Variants in SPATA13 observed in about 807,000 individuals in gnomAD.
The protein encoded by SPATA13 is spermatogenesis associated 13, also known as spermatogenesis-associated protein 13.
In SPATA13, 50 loss-of-function variants were observed where a neutral mutation model predicts 104.0. That is an observed-to-expected ratio of 0.48 (90% CI 0.38 to 0.61). The LOEUF (loss-of-function observed/expected upper bound fraction) is 0.61. Among genes scored for constraint, SPATA13 ranks in the 20% least tolerant of loss-of-function variants. The probability of loss-of-function intolerance (pLI) is 0.00; values close to 1 mark genes in which losing one functional copy is unlikely to be tolerated. For synonymous variants in SPATA13, 606 were observed against 667.5 expected, an observed-to-expected ratio of 0.91 and a Z score of 1.42; for missense variants, 1,524 against 1,690.6, an observed-to-expected ratio of 0.90 and a Z score of 1.73.
At chr13:24,028,041 G>A (rs1877314706) in intron 3 of SPATA13, among the ~76,000 whole-genome samples, 1 of 152,158 alleles carries the variant, frequency 6.6e-6, no homozygotes, top group South Asian at 2.1e-4. Context: ...AAATTTAGAT[G>A]TTTTTATAAT....
chr13:24,294,223 G>C (rs557510699), intron 9 of SPATA13, among the ~76,000 whole-genome samples: 1 of 152,186 alleles, frequency 6.6e-6, no homozygotes, highest in Non-Finnish European at 1.5e-5. Context: ...TTGGTGAGGC[G>C]AATGCCATAC....
intron 2 of SPATA13, among the ~76,000 whole-genome samples, chr13:24,010,315 A>C (rs1213007587): frequency 6.6e-6 from 1 of 152,230 alleles, no homozygotes; most frequent in Admixed American, 6.5e-5. Flanking sequence ...GAGCAGACAG[A>C]TGACTTTGAG....
chr13:24,114,559 T>C (rs1159932446), intron 3 of SPATA13, among the ~76,000 whole-genome samples: 2 of 151,534 alleles, frequency 1.3e-5, no homozygotes, highest in African/African-American at 4.8e-5. Flanking sequence ...AAGGCTGTCA[T>C]TTTTTTTTGT....
chr13:24,245,193 T>C (rs1388775644), intron 2 of SPATA13, among the ~76,000 whole-genome samples: 1 of 152,090 alleles, frequency 6.6e-6, no homozygotes, highest in Non-Finnish European at 1.5e-5. Flanking sequence ...TGATGGGACA[T>C]GTGTGTCTAC....
At chr13:24,249,253 G>A (rs909891263) in intron 2 of SPATA13, among the ~76,000 whole-genome samples, 16 of 152,202 alleles carry the variant, frequency 1.1e-4, no homozygotes, top group African/African-American at 3.1e-4. Context: ...TGAAATATCA[G>A]CCTAGAATCA....
chr13:24,194,376 AG>A (rs1193608221), intron 1 of SPATA13, among the ~76,000 whole-genome samples: 1 of 152,224 alleles, frequency 6.6e-6, no homozygotes, highest in Non-Finnish European at 1.5e-5. Context: ...AGAGTAGGAC[AG>A]GAAGTGGAGA....
intron 4 of SPATA13, among the ~76,000 whole-genome samples, chr13:24,280,798 C>G (rs537393850): frequency 2.6e-5 from 4 of 152,264 alleles, no homozygotes; most frequent in African/African-American, 9.6e-5. Flanking sequence ...TGTGCTTCCT[C>G]AAGACATCCC....
rs61215087 is a variant in SPATA13 at position 24,290,526 on chromosome 13, C to T, written c.2848-126C>T. ...GTGCCAGCGGATTTCATGCCCTGTC[C>T]TTCTTGCAGTAGTCCATCTTCCTCC... On this transcript the variant is annotated intron_variant, in intron 8 of 12. Coordinates refer to ENST00000382108, the MANE Select transcript of SPATA13 (RefSeq NM_001166271.3). 689 of 739,604 alleles carry T rather than the reference C, an allele frequency of 9.3e-4. 5 individuals are homozygous for T. In the East Asian group the frequency reaches 0.016, roughly 17 times the overall value. 45.8% of individuals were successfully genotyped at this position (739,604 alleles called of 1,614,324 possible). A position where few individuals can be genotyped will look rare whatever the true frequency, so the allele number is the denominator to read the frequency against.
chr13:24,300,370 G>C, intron 11 of SPATA13, 31 bp from the exon 12 acceptor site: 3 of 1,589,498 alleles, frequency 1.9e-6, no homozygotes, highest in Non-Finnish European at 2.6e-6. Flanking sequence ...CACGTGTTCT[G>C]AATATATATC....
chr13:24,096,949 C>G (rs1277850555), intron 3 of SPATA13, among the ~76,000 whole-genome samples: 1 of 152,176 alleles, frequency 6.6e-6, no homozygotes, highest in East Asian at 1.9e-4. Context: ...CTAGATTTTC[C>G]TTTTAAAAGA....
At chr13:24,044,810 C>T (rs950636226) in intron 3 of SPATA13, among the ~76,000 whole-genome samples, 10 of 143,978 alleles carry the variant, frequency 6.9e-5, no homozygotes, top group African/African-American at 2.0e-4. Context: ...ACAAATACTG[C>T]GTGATCCCAC....
chr13:24,007,884 T>C (rs941726737), intron 2 of SPATA13, among the ~76,000 whole-genome samples: 1 of 152,200 alleles, frequency 6.6e-6, no homozygotes, highest in Non-Finnish European at 1.5e-5. Context: ...ATAAACAGTA[T>C]TTATTGTCAT....
chr13:24,172,839 A>G (rs1431476746), intron 1 of SPATA13, among the ~76,000 whole-genome samples: 1 of 152,230 alleles, frequency 6.6e-6, no homozygotes, highest in African/African-American at 2.4e-5. Flanking sequence ...ATGTTAGAAT[A>G]GTCGTCTCTC....
intron 2 of SPATA13, among the ~76,000 whole-genome samples, chr13:24,247,251 A>C (rs538003698): frequency 6.6e-6 from 1 of 152,236 alleles, no homozygotes; most frequent in East Asian, 1.9e-4. Flanking sequence ...AGTTGCTGGA[A>C]CCTGCACGGG....
intron 2 of SPATA13, among the ~76,000 whole-genome samples, chr13:23,995,982 A>C (rs895678102): frequency 6.6e-6 from 1 of 152,224 alleles, no homozygotes; most frequent in East Asian, 1.9e-4. Context: ...ACAACCGAGC[A>C]GATAGATATG....
At chr13:24,267,308 A>G (rs1380256017) in intron 4 of SPATA13, among the ~76,000 whole-genome samples, 1 of 152,202 alleles carries the variant, frequency 6.6e-6, no homozygotes, top group Non-Finnish European at 1.5e-5. Context: ...TTGTTGGGTC[A>G]CATCCTTTGA....
At chr13:24,113,614 G>C (rs1191443112) in intron 3 of SPATA13, among the ~76,000 whole-genome samples, 2 of 151,928 alleles carry the variant, frequency 1.3e-5, no homozygotes, top group African/African-American at 2.4e-5. Context: ...GCTTAAGCCT[G>C]TAATCCCAGC....
At chr13:24,046,855 A>C (rs9511017) in intron 3 of SPATA13, among the ~76,000 whole-genome samples, 72,441 of 151,814 alleles carry the variant, frequency 0.48, 18,004 homozygotes, top group African/African-American at 0.61. Context: ...ATCCTTCTTG[A>C]CCACTGCAGA....
intron 3 of SPATA13, among the ~76,000 whole-genome samples, chr13:24,127,755 T>C (rs1462263081): frequency 1.3e-5 from 2 of 152,222 alleles, no homozygotes; most frequent in African/African-American, 2.4e-5. Context: ...CAAAAAATAC[T>C]GACTTGTGAG....
Sources: allele counts gnomAD v4.1 joint callset (sites outside exome capture counted in the v4.1 genomes callset), GRCh38; gene constraint gnomAD v4.1.1; transcripts MANE v1.5; gene names NCBI Gene and HGNC (gene_info 2026-07-23, HGNC 2026-07-21).